Variants in DGKB observed in about 807,000 individuals in gnomAD.
DGKB encodes the protein diacylglycerol kinase beta, also known as 90 kDa diacylglycerol kinase.
In DGKB, 67 loss-of-function variants were observed where a neutral mutation model predicts 114.3. The ratio of observed to expected loss-of-function variants is 0.59; its 90% CI spans 0.48 to 0.72. The LOEUF (loss-of-function observed/expected upper bound fraction) is 0.72, where lower values mean the gene tolerates loss of function less well. Ranked by LOEUF, DGKB falls within the 30% of genes least tolerant of loss-of-function variation. The pLI, the probability that DGKB is intolerant of heterozygous loss-of-function variation, is 0.00. For missense variants in DGKB, 907 were observed against 975.2 expected, an observed-to-expected ratio of 0.93 and a Z score of 0.93; for synonymous variants, 398 against 323.1, an observed-to-expected ratio of 1.23 and a Z score of -2.49.
At chr7:14,196,014 T>C (rs1462054300) in intron 23 of DGKB, among the ~76,000 whole-genome samples, 1 of 152,158 alleles carries the variant, frequency 6.6e-6, no homozygotes, top group African/African-American at 2.4e-5. Context: ...GCAACCTTCA[T>C]GTAGAACTGT....
At chr7:14,319,003 T>C (rs976787191) in intron 23 of DGKB, among the ~76,000 whole-genome samples, 16 of 152,026 alleles carry the variant, frequency 1.1e-4, no homozygotes, top group African/African-American at 3.1e-4. Flanking sequence ...TGGATGAAAT[T>C]GGAAACCATC....
chr7:14,515,762 T>C (rs1222660876), intron 20 of DGKB, among the ~76,000 whole-genome samples: 1 of 152,210 alleles, frequency 6.6e-6, no homozygotes, highest in East Asian at 1.9e-4. Context: ...TTCTTAAAAC[T>C]ACTTGGATTA....
At chr7:14,793,869 T>A (rs892207604) in intron 2 of DGKB, among the ~76,000 whole-genome samples, 18 of 152,082 alleles carry the variant, frequency 1.2e-4, no homozygotes, top group Non-Finnish European at 1.5e-5. Context: ...GCCACCCCAC[T>A]GTAAGTGAGC....
chr7:14,477,871 C>A (rs1464380321), intron 21 of DGKB, among the ~76,000 whole-genome samples: 1 of 151,996 alleles, frequency 6.6e-6, no homozygotes, highest in Non-Finnish European at 1.5e-5. Flanking sequence ...ATGAAAACTT[C>A]CAGTGTGTCT....
At chr7:14,782,098 C>T (rs568047039) in intron 2 of DGKB, among the ~76,000 whole-genome samples, 1 of 147,410 alleles carries the variant, frequency 6.8e-6, no homozygotes, top group South Asian at 2.2e-4. Flanking sequence ...GATCTCGGCT[C>T]ACTGCAACCT....
chr7:14,169,098 G>A (rs190563033), intron 25 of DGKB, among the ~76,000 whole-genome samples: 3 of 151,878 alleles, frequency 2.0e-5, no homozygotes, highest in South Asian at 2.1e-4. Context: ...AGTGGCTCAC[G>A]CCTGTAATCC....
rs529877067 is a variant in DGKB, at chr7:14,427,777, G to A, written c.1835+50384C>T. On this transcript the variant is annotated intron_variant, in intron 21 of 25. Transcript: ENST00000402815. ...CATGAGAACAGCACAGGAAAGAACT[G>A]CCCCCATGATTCAGTTACCTCCCAC... Among the ~76,000 whole-genome samples the A allele has an allele frequency of 2.0e-5, 3 of 152,096 alleles. No individual in the cohort carries two copies. In the South Asian group the frequency reaches 6.2e-4, roughly 32 times the overall value.
At chr7:14,388,738 A>G (rs141862903) in intron 21 of DGKB, among the ~76,000 whole-genome samples, 1 of 152,258 alleles carries the variant, frequency 6.6e-6, no homozygotes, top group East Asian at 1.9e-4. Flanking sequence ...AGGAAGATGG[A>G]GAAAAAAGAA....
At chr7:14,320,068 A>G (rs1807445584) in intron 23 of DGKB, among the ~76,000 whole-genome samples, 1 of 152,196 alleles carries the variant, frequency 6.6e-6, no homozygotes, top group Admixed American at 6.5e-5. Flanking sequence ...AAGCACACTA[A>G]CAAAGCAAGA....
chr7:14,405,013 G>C (rs1332204508), intron 21 of DGKB, among the ~76,000 whole-genome samples: 1 of 151,562 alleles, frequency 6.6e-6, no homozygotes, highest in Non-Finnish European at 1.5e-5. Flanking sequence ...ATCATTTCCA[G>C]ATTTATATCT....
intron 21 of DGKB, among the ~76,000 whole-genome samples, chr7:14,454,744 A>G (rs1385207057): frequency 1.3e-5 from 2 of 152,088 alleles, no homozygotes; most frequent in Non-Finnish European, 2.9e-5. Flanking sequence ...GCATTATAGC[A>G]TCAATATCCT....
intron 1 of DGKB, among the ~76,000 whole-genome samples, chr7:14,845,136 A>G (rs1309353362): frequency 3.4e-4 from 44 of 129,740 alleles, no homozygotes; most frequent in East Asian, 6.5e-4. Context: ...AAAAAAAAAA[A>G]AAAGAAAGAA....
intron 21 of DGKB, among the ~76,000 whole-genome samples, chr7:14,367,345 G>A (rs771491544): frequency 6.6e-6 from 1 of 151,954 alleles, no homozygotes; most frequent in Non-Finnish European, 1.5e-5. Context: ...TCATGAGGGC[G>A]GGTTTTTTCC....
chr7:14,417,371 A>C (rs1009715626), intron 21 of DGKB, among the ~76,000 whole-genome samples: 3 of 152,120 alleles, frequency 2.0e-5, no homozygotes, highest in Non-Finnish European at 4.4e-5. Context: ...TTCAAGAAAT[A>C]TAACAAAAAG....
chr7:14,621,975 A>C (rs1398832882), intron 14 of DGKB, among the ~76,000 whole-genome samples: 1 of 152,100 alleles, frequency 6.6e-6, no homozygotes, highest in Non-Finnish European at 1.5e-5. Context: ...ATTCCATCCC[A>C]GCTAATTACT....
Position 14,607,446 on chromosome 7 carries a change from C to T in DGKB, c.1421G>A (p.Gly474Glu), listed in dbSNP as rs1365339877. 6.4e-7 allele frequency: 1 copy of T among 1,554,548 alleles called. No individual in the cohort carries two copies. Among genetic ancestry groups the T allele is most frequent in the Admixed American group, 1.7e-5 (1 of 59,108 alleles). ...PRQVYSLSGNGPMPGLNFFRD... is the reference protein window; with the variant it reads ...PRQVYSLSGNEPMPGLNFFRD... ...TCCTTGGACTTACCCTGGCATTGGT[C>T]CATTTCCAGAAAGACTGTAAACCTG... The change falls in exon 17 of 26, where the codon GGA becomes GAA. Residue 474 changes from glycine to glutamate, a missense_variant. Physicochemically the swap from Gly to Glu is moderately conservative, Grantham distance 98. This residue lies in a region of DGKB where 814 missense variants were observed against 856.6 expected (regional missense o/e 0.95). Coordinates refer to ENST00000402815, the MANE Select transcript of DGKB (RefSeq NM_001350709.2).
intron 25 of DGKB, among the ~76,000 whole-genome samples, chr7:14,151,966 G>T (rs1176147892): frequency 6.6e-6 from 1 of 152,032 alleles, no homozygotes; most frequent in Non-Finnish European, 1.5e-5. Context: ...AGAAATTCCA[G>T]GTGTAGGCTC....
intron 21 of DGKB, among the ~76,000 whole-genome samples, chr7:14,363,205 G>A (rs1405371864): frequency 6.6e-6 from 1 of 152,126 alleles, no homozygotes; most frequent in Non-Finnish European, 1.5e-5. Flanking sequence ...GCTGATTAAA[G>A]CCACTAAGTG....
At chr7:14,347,224 C>T (rs1812631365) in intron 21 of DGKB, among the ~76,000 whole-genome samples, 1 of 151,912 alleles carries the variant, frequency 6.6e-6, no homozygotes, top group Non-Finnish European at 1.5e-5. Context: ...CCTACACTGT[C>T]TCAAAACCAC....
Sources: gnomAD v4.1 joint callset for allele counts (sites outside exome capture counted in the v4.1 genomes callset) on GRCh38, gnomAD v4.1.1 for gene constraint, gnomAD v4.1.1 regional missense constraint, MANE v1.5 for transcripts, NCBI Gene and HGNC (gene_info 2026-07-23, HGNC 2026-07-21) for gene names.